The following ELMO1 variants were observed in gnomAD, a reference collection of about 807,000 sequenced individuals.
The protein encoded by ELMO1 is engulfment and cell motility protein 1.
A neutral mutation model predicts 98.9 loss-of-function variants in ELMO1; 26 were observed. That is an observed-to-expected ratio of 0.26 (90% CI 0.19 to 0.36). The LOEUF is 0.36. Ranked by LOEUF, ELMO1 falls within the 10% of genes least tolerant of loss-of-function variation. The probability of loss-of-function intolerance (pLI) is 1.00; values close to 1 mark genes in which losing one functional copy is unlikely to be tolerated. For missense variants in ELMO1, 627 were observed against 935.2 expected (o/e 0.67, Z 4.30); for synonymous variants, 346 against 346.0 (o/e 1.00, Z 0.00).
chr7:37,132,136 A>G (rs1014034678), intron 14 of ELMO1, among the ~76,000 whole-genome samples: 3 of 152,176 alleles, frequency 2.0e-5, no homozygotes, highest in African/African-American at 7.2e-5. Context: ...GGCCAGACCA[A>G]AGGAAATGCC....
At chr7:36,946,720 G>A (rs1263088237) in intron 16 of ELMO1, among the ~76,000 whole-genome samples, 1 of 152,004 alleles carries the variant, frequency 6.6e-6, no homozygotes, top group Non-Finnish European at 1.5e-5. Flanking sequence ...TCAGTCTTTT[G>A]GGAGTTCATC....
intron 16 of ELMO1, among the ~76,000 whole-genome samples, chr7:37,005,355 G>A (rs910246190): frequency 1.3e-5 from 2 of 151,738 alleles, no homozygotes; most frequent in Non-Finnish European, 1.5e-5. Context: ...AGCTGCCATG[G>A]ACCCCATGCA....
chr7:36,930,396 A>G (rs949382475), intron 16 of ELMO1, among the ~76,000 whole-genome samples: 3 of 152,230 alleles, frequency 2.0e-5, no homozygotes, highest in Admixed American at 2.0e-4. Context: ...AAAAGAGTAG[A>G]AAGTCTAGCT....
intron 4 of ELMO1, among the ~76,000 whole-genome samples, chr7:37,292,300 A>C (rs1583472005): frequency 3.9e-5 from 3 of 76,772 alleles, no homozygotes; most frequent in South Asian, 4.4e-4. Context: ...GCTCGCTACA[A>C]CCTCCACCTC....
At chr7:37,084,244 C>T (rs1456497979) in intron 15 of ELMO1, among the ~76,000 whole-genome samples, 1 of 152,082 alleles carries the variant, frequency 6.6e-6, no homozygotes, top group African/African-American at 2.4e-5. Flanking sequence ...TAGAAGAAAA[C>T]AAGAATGTTG....
At chr7:37,282,930 T>C (rs1797214960) in intron 4 of ELMO1, among the ~76,000 whole-genome samples, 1 of 152,218 alleles carries the variant, frequency 6.6e-6, no homozygotes, top group Admixed American at 6.5e-5. Flanking sequence ...AGATATCCTG[T>C]ACCAAATTCC....
rs547871396 is a variant in ELMO1, at chr7:37,096,680, A to G, written c.1239T>C (p.Phe413=). 1.2e-6 allele frequency: 2 copies of G among 1,614,170 alleles called. No individual in the cohort carries two copies. Among genetic ancestry groups the G allele is most frequent in the East Asian group, 2.2e-5 (1 of 44,888 alleles). The change falls in exon 15 of 22, where the codon TTT becomes TTC. Residue 413 remains phenylalanine, a synonymous_variant. Coordinates refer to ENST00000310758, the MANE Select transcript of ELMO1 (RefSeq NM_014800.11). ...TGGTCAGCTCTATACTACTGCGGCC[A>G]AAGGGACATTCATGCTTGTCTTCTC... ...SSREDKHECP[F]GRSSIELTKM... is the part of the protein sequence containing the mutation.
intron 16 of ELMO1, among the ~76,000 whole-genome samples, chr7:36,959,700 G>C (rs145212780): frequency 1.3e-5 from 2 of 152,032 alleles, no homozygotes; most frequent in African/African-American, 4.8e-5. Flanking sequence ...TTTTTGAGAC[G>C]GAGTCTCACT....
chr7:37,257,522 A>AGACC (rs2130785543), intron 6 of ELMO1, among the ~76,000 whole-genome samples: 1 of 151,968 alleles, frequency 6.6e-6, no homozygotes, highest in South Asian at 2.1e-4. Context: ...CAAGAGATCG[A>AGACC]GACCATCCTG....
At chr7:37,410,431 T>A (rs1803949804) in intron 1 of ELMO1, among the ~76,000 whole-genome samples, 1 of 152,206 alleles carries the variant, frequency 6.6e-6, no homozygotes, top group South Asian at 2.1e-4. Flanking sequence ...TGTCTTCATG[T>A]CTTTCTCTCC....
intron 1 of ELMO1, among the ~76,000 whole-genome samples, chr7:37,398,404 T>C (rs1803386407): frequency 6.6e-6 from 1 of 152,222 alleles, no homozygotes; most frequent in Admixed American, 6.5e-5. Flanking sequence ...GCATTGTCTT[T>C]CTTTTGAAGC....
intron 14 of ELMO1, chr7:37,116,798 A>T (rs1785628101): frequency 1.3e-5 from 2 of 154,452 alleles, no homozygotes; most frequent in African/African-American, 4.8e-5. Context: ...TTTTGCATCA[A>T]AACCATGGAA....
intron 2 of ELMO1, among the ~76,000 whole-genome samples, chr7:37,332,147 ATTG>A (rs1197207292): frequency 6.6e-6 from 1 of 152,220 alleles, no homozygotes; most frequent in Non-Finnish European, 1.5e-5. Context: ...AAAGTCACTG[ATTG>A]TCTTTTAACT....
At chr7:37,306,886 T>G (rs2893537) in intron 4 of ELMO1, among the ~76,000 whole-genome samples, 68,479 of 151,956 alleles carry the variant, frequency 0.45, 15,862 homozygotes, top group East Asian at 0.72. Context: ...GTCAAAAGGT[T>G]TTTTAAGGTA....
intron 16 of ELMO1, among the ~76,000 whole-genome samples, chr7:36,944,961 A>T (rs1787353967): frequency 6.6e-6 from 1 of 152,108 alleles, no homozygotes; most frequent in South Asian, 2.1e-4. Flanking sequence ...TCCTGAATTC[A>T]CTCTGCGAAC....
intron 4 of ELMO1, among the ~76,000 whole-genome samples, chr7:37,302,124 G>A (rs928648432): frequency 1.3e-5 from 2 of 152,206 alleles, no homozygotes; most frequent in Non-Finnish European, 2.9e-5. Context: ...TCCATGGGGA[G>A]GAGGAGTCTA....
At chr7:37,268,155 G>A (rs1362998065) in intron 5 of ELMO1, among the ~76,000 whole-genome samples, 1 of 152,154 alleles carries the variant, frequency 6.6e-6, no homozygotes, top group Non-Finnish European at 1.5e-5. Flanking sequence ...ATGCAACAGA[G>A]GACCTCAGAC....
At position 37,035,976 on chromosome 7, in the gene ELMO1, T is replaced by C. The variant is rs373075791; in HGVS notation, c.1301-22541A>G. 4.6e-5 allele frequency among the ~76,000 whole-genome samples: 7 copies of C among 152,252 alleles called. No individual in the cohort carries two copies. The East Asian group carries it at 1.3e-3, about 29-fold the overall frequency. On this transcript the variant is annotated intron_variant, in intron 15 of 21. Coordinates refer to ENST00000310758, the MANE Select transcript of ELMO1 (RefSeq NM_014800.11). Reference sequence around the variant, plus strand: ...GCACCTTTGCATTTGTTGACATTTCTCTTGACTGTGAATGATGCCATGTAT... The same window carrying C: ...GCACCTTTGCATTTGTTGACATTTCCCTTGACTGTGAATGATGCCATGTAT...
chr7:37,285,526 G>C (rs1407263230), intron 4 of ELMO1, among the ~76,000 whole-genome samples: 1 of 152,156 alleles, frequency 6.6e-6, no homozygotes, highest in Non-Finnish European at 1.5e-5. Context: ...AGTAATATGG[G>C]ACCCTGGGAC....
Sources: allele counts gnomAD v4.1 joint callset (sites outside exome capture counted in the v4.1 genomes callset), GRCh38; gene constraint gnomAD v4.1.1; transcripts MANE v1.5; gene names NCBI Gene and HGNC (gene_info 2026-07-23, HGNC 2026-07-21).